The following FKBP5 variants were observed in gnomAD, a reference collection of about 807,000 sequenced individuals.
The protein encoded by FKBP5 is peptidyl-prolyl cis-trans isomerase FKBP5.
In FKBP5, 23 loss-of-function variants were observed where a neutral mutation model predicts 50.5. The observed-to-expected ratio is 0.46, with a 90% CI of 0.33 to 0.65. The LOEUF is 0.65. Among genes scored for constraint, FKBP5 ranks in the 30% least tolerant of loss-of-function variants. The probability of loss-of-function intolerance (pLI) is 0.02; values close to 1 mark genes in which losing one functional copy is unlikely to be tolerated. For missense variants in FKBP5, 411 were observed against 553.1 expected, an observed-to-expected ratio of 0.74 and a Z score of 2.58; for synonymous variants, 176 against 190.6, an observed-to-expected ratio of 0.92 and a Z score of 0.63.
chr6:35,618,717 CAG>C (rs1289583578), intron 5 of FKBP5, among the ~76,000 whole-genome samples: 4 of 151,370 alleles, frequency 2.6e-5, no homozygotes, highest in African/African-American at 9.7e-5. Context: ...TTTTTTGAGA[CAG>C]AGTCTTGCTT....
chr6:35,677,601 G>A (rs985153352), intron 1 of FKBP5, among the ~76,000 whole-genome samples: 28 of 152,122 alleles, frequency 1.8e-4, no homozygotes, highest in Non-Finnish European at 3.2e-4. Context: ...ACAGTCTGTG[G>A]TCTAAGAAAG....
chr6:35,622,767 T>C (rs770935502), intron 3 of FKBP5, among the ~76,000 whole-genome samples: 5 of 152,210 alleles, frequency 3.3e-5, no homozygotes, highest in South Asian at 2.1e-4. Context: ...AAGGAGGATG[T>C]ACATTTTAGA....
rs562370045 is a variant in FKBP5, at chr6:35,679,464, T to C, written c.-20+9340A>G. On this transcript the variant is annotated intron_variant, in intron 1 of 10. Transcript: ENST00000357266. Reference sequence around the variant, plus strand: ...TTTATTACATGGAAGAAGTTAGTCCTTTTATCCATGTTGATTGATATCAGA... The same window carrying C: ...TTTATTACATGGAAGAAGTTAGTCCCTTTATCCATGTTGATTGATATCAGA... Among the ~76,000 whole-genome samples, 213 of 152,354 alleles carry C rather than the reference T, an allele frequency of 1.4e-3. 2 individuals carry two copies. The highest frequency in any genetic ancestry group is 4.9e-3 in the African/African-American group (204 of 41,584).
intron 1 of FKBP5, among the ~76,000 whole-genome samples, chr6:35,651,468 C>T (rs968069252): frequency 2.0e-5 from 3 of 151,996 alleles, no homozygotes; most frequent in African/African-American, 7.3e-5. Flanking sequence ...TGTGCGATGT[C>T]CAGAAGGTTA....
chr6:35,702,441 A>C (rs1461468365), intron 2 of FKBP5, among the ~76,000 whole-genome samples: 1 of 151,374 alleles, frequency 6.6e-6, no homozygotes, highest in Non-Finnish European at 1.5e-5. Context: ...AATGGCATGC[A>C]AAATATAAAC....
In FKBP5 at chr6:35,587,019, T is replaced by C. The variant is rs528206811; in HGVS notation, c.840+15A>G. ...ATTCTTTGAGATGGAAAGGATTGCA[T>C]AGGGACTCACACACCTTGAAGTATA... On this transcript the variant is annotated intron_variant, in intron 8 of 10. Coordinates refer to ENST00000357266, the MANE Select transcript of FKBP5 (RefSeq NM_004117.4). The C allele has an allele frequency of 3.7e-6, 6 of 1,613,956 alleles. No homozygotes were observed. The highest frequency in any genetic ancestry group is 3.3e-5 in the South Asian group (3 of 91,084).
At chr6:35,715,610 G>A (rs1766497470) in intron 2 of FKBP5, among the ~76,000 whole-genome samples, 1 of 152,210 alleles carries the variant, frequency 6.6e-6, no homozygotes, top group Non-Finnish European at 1.5e-5. Context: ...GCTCAGAGGT[G>A]TACACCAGTA....
intron 8 of FKBP5, chr6:35,581,894 C>G (rs184828383): frequency 2.9e-5 from 29 of 985,360 alleles, no homozygotes; most frequent in East Asian, 2.3e-4. Context: ...ATCTCACTGC[C>G]GAGTTGTCTC....
At chr6:35,589,632 G>C (rs781466372) in intron 7 of FKBP5, among the ~76,000 whole-genome samples, 8 of 152,164 alleles carry the variant, frequency 5.3e-5, no homozygotes, top group Non-Finnish European at 1.0e-4. Flanking sequence ...AGAAGGAAGG[G>C]GCAAGAGGCT....
chr6:35,695,988 C>T (rs1766073789), intron 2 of FKBP5, among the ~76,000 whole-genome samples: 1 of 151,162 alleles, frequency 6.6e-6, no homozygotes. Flanking sequence ...ACAGAAAATA[C>T]AAAAAAATTA....
chr6:35,613,647 T>C (rs534636801), intron 5 of FKBP5, among the ~76,000 whole-genome samples: 129 of 152,310 alleles, frequency 8.5e-4, no homozygotes, highest in African/African-American at 2.6e-3. Flanking sequence ...GGACCACCTT[T>C]AGGGTAATCT....
At chr6:35,586,638 G>T (rs1320487934) in intron 8 of FKBP5, 3 of 995,290 alleles carry the variant, frequency 3.0e-6, no homozygotes, top group African/African-American at 3.5e-5. Flanking sequence ...GAAAAATGAT[G>T]TGAAACTTAC....
chr6:35,662,364 T>C (rs1343609281), intron 1 of FKBP5, among the ~76,000 whole-genome samples: 2 of 151,678 alleles, frequency 1.3e-5, no homozygotes, highest in Admixed American at 1.3e-4. Flanking sequence ...AGCCTCAACC[T>C]GCCAGGCTCA....
intron 1 of FKBP5, among the ~76,000 whole-genome samples, chr6:35,685,752 CG>C (rs1765805001): frequency 6.6e-6 from 1 of 151,978 alleles, no homozygotes; most frequent in Non-Finnish European, 1.5e-5. Context: ...GAGGCTGAGG[CG>C]GGTGGATCAC....
chr6:35,622,918 T>C (rs1763887342), intron 3 of FKBP5, among the ~76,000 whole-genome samples: 2 of 152,208 alleles, frequency 1.3e-5, no homozygotes, highest in South Asian at 4.1e-4. Flanking sequence ...ATAATAACAG[T>C]ACTTGCCATA....
intron 5 of FKBP5, among the ~76,000 whole-genome samples, chr6:35,618,599 T>A (rs1191875952): frequency 2.0e-5 from 3 of 152,060 alleles, no homozygotes; most frequent in Admixed American, 2.0e-4. Context: ...TGGTCTCGAA[T>A]TCCTAAGCTC....
intron 2 of FKBP5, among the ~76,000 whole-genome samples, chr6:35,703,622 A>T (rs754820312): frequency 9.2e-5 from 14 of 152,302 alleles, no homozygotes; most frequent in Middle Eastern, 6.8e-3. Context: ...GTATTGGTCC[A>T]ATTCTAATTG....
intron 10 of FKBP5, 94 bp downstream of exon 10, chr6:35,576,900 G>C (rs1762236788): frequency 1.4e-5 from 21 of 1,457,214 alleles, no homozygotes; most frequent in Non-Finnish European, 2.0e-5. Flanking sequence ...CTGCTCTTGA[G>C]CCTCTTGGGT....
At chr6:35,622,614 A>C (rs16879318) in intron 3 of FKBP5, among the ~76,000 whole-genome samples, 13,423 of 152,192 alleles carry the variant, frequency 0.088, 1,275 homozygotes, top group African/African-American at 0.25. Flanking sequence ...CCTTATAAGT[A>C]ACTGTTACGT....
Sources: gnomAD v4.1 joint callset for allele counts (sites outside exome capture counted in the v4.1 genomes callset) on GRCh38, gnomAD v4.1.1 for gene constraint, MANE v1.5 for transcripts, NCBI Gene and HGNC (gene_info 2026-07-23, HGNC 2026-07-21) for gene names.